The following ASAP1 variants were observed in gnomAD, a reference collection of about 807,000 sequenced individuals.
ASAP1 encodes the protein ArfGAP with SH3 domain, ankyrin repeat and PH domain 1, also known as arf-GAP with SH3 domain, ANK repeat and PH domain-containing protein 1.
A neutral mutation model predicts 145.2 loss-of-function variants in ASAP1; 43 were observed. The ratio of observed to expected loss-of-function variants is 0.30; its 90% CI spans 0.23 to 0.38. The LOEUF is 0.38. Among genes scored for constraint, ASAP1 ranks in the 10% least tolerant of loss-of-function variants. The pLI is 1.00. For synonymous variants in ASAP1, 546 were observed against 515.5 expected (o/e 1.06, Z -0.80); for missense variants, 1,018 against 1,355.3 (o/e 0.75, Z 3.91).
chr8:130,296,508 C>CTTTT (rs554026885), intron 3 of ASAP1, among the ~76,000 whole-genome samples: 9 of 138,762 alleles, frequency 6.5e-5, no homozygotes, highest in African/African-American at 2.1e-4. Context: ...TGCTACTTCC[C>CTTTT]TTTTTTTTTT....
intron 24 of ASAP1, among the ~76,000 whole-genome samples, chr8:130,105,233 C>T (rs1026409517): frequency 2.6e-5 from 4 of 152,090 alleles, no homozygotes; most frequent in African/African-American, 9.7e-5. Flanking sequence ...TAACAACAAA[C>T]AAACAATATA....
intron 4 of ASAP1, among the ~76,000 whole-genome samples, chr8:130,226,848 C>T (rs1271848470): frequency 6.6e-6 from 1 of 152,212 alleles, no homozygotes; most frequent in Non-Finnish European, 1.5e-5. Flanking sequence ...ATACACAATA[C>T]ACTTTGGTTT....
intron 18 of ASAP1, among the ~76,000 whole-genome samples, chr8:130,120,384 TG>T (rs1414212755): frequency 6.6e-6 from 1 of 152,250 alleles, no homozygotes; most frequent in Non-Finnish European, 1.5e-5. Flanking sequence ...TATGTGACCC[TG>T]GGTAAATCAA....
intron 5 of ASAP1, among the ~76,000 whole-genome samples, chr8:130,205,487 T>C (rs368922112): frequency 5.9e-5 from 9 of 151,720 alleles, no homozygotes; most frequent in South Asian, 2.1e-4. Flanking sequence ...TATACCTGTA[T>C]TGACAAACAG....
chr8:130,361,905 C>T (rs1413964751), intron 2 of ASAP1: 1 of 694,232 alleles, frequency 1.4e-6, no homozygotes, highest in Admixed American at 2.1e-5. Flanking sequence ...GTGCACCTGG[C>T]TTTATATAAA....
chr8:130,092,246 C>A, intron 24 of ASAP1, 103 bp from the exon 25 acceptor site: 1 of 1,274,024 alleles, frequency 7.8e-7, no homozygotes, highest in Non-Finnish European at 1.1e-6. Context: ...TGGTATGACA[C>A]ACAGAGACAA....
chr8:130,409,326 G>T (rs1048756296), intron 1 of ASAP1, among the ~76,000 whole-genome samples: 1 of 152,032 alleles, frequency 6.6e-6, no homozygotes, highest in Non-Finnish European at 1.5e-5. Flanking sequence ...GAGACCATTT[G>T]AATTGGTCGT....
chr8:130,227,921 G>A (rs1466876670), intron 4 of ASAP1, among the ~76,000 whole-genome samples: 1 of 152,098 alleles, frequency 6.6e-6, no homozygotes, highest in Non-Finnish European at 1.5e-5. Flanking sequence ...CCCTTTCTGG[G>A]TGCACAGTTG....
At chr8:130,176,969 CG>C (rs1361362670) in intron 9 of ASAP1, among the ~76,000 whole-genome samples, 1 of 152,134 alleles carries the variant, frequency 6.6e-6, no homozygotes, top group Non-Finnish European at 1.5e-5. Flanking sequence ...GGATTACAGG[CG>C]TGAGCCACCG....
rs75152332 is a variant in ASAP1, at chr8:130,385,143, A to G, written c.59+16742T>C. Among the ~76,000 whole-genome samples, 1,075 of 152,256 alleles carry G rather than the reference A, an allele frequency of 7.1e-3. 3 individuals carry two copies. The highest frequency in any genetic ancestry group is 0.028 in the South Asian group (137 of 4,828). On this transcript the variant is annotated intron_variant, in intron 2 of 29. Transcript: ENST00000518721. ...TCCCAGAGGCAGAAGGCACGTTGCT[A>G]GCTGGTGGTCGCTTGAGGTTCATTT... is the stretch of plus-strand genomic sequence containing the variant.
At position 130,124,069 on chromosome 8, in the gene ASAP1, A is replaced by G; in HGVS notation, c.1551T>C (p.Asp517=). 1 of 1,608,338 alleles carries G rather than the reference A, an allele frequency of 6.2e-7. No homozygotes were observed. Residue 517 remains aspartate, a synonymous_variant, in exon 18 of 30, where the codon GAT becomes GAC. Coordinates refer to ENST00000518721, the MANE Select transcript of ASAP1 (RefSeq NM_018482.4). ...GGCTGGGTAAATTTGCTTCCATAAT[A>G]TCATTAAAACTATTGTTTCCTACAT... ...AKNVGNNSFN[D]IMEANLPSPS...
chr8:130,130,273 T>C (rs1483715739), intron 15 of ASAP1, among the ~76,000 whole-genome samples: 1 of 152,236 alleles, frequency 6.6e-6, no homozygotes, highest in Non-Finnish European at 1.5e-5. Context: ...TGAAGTTATA[T>C]GACTTGCCTA....
intron 2 of ASAP1, among the ~76,000 whole-genome samples, chr8:130,367,976 G>T (rs1411564802): frequency 1.3e-5 from 2 of 152,038 alleles, no homozygotes; most frequent in Admixed American, 6.6e-5. Flanking sequence ...CCACTGCAGA[G>T]TTTTCTTCTT....
intron 3 of ASAP1, among the ~76,000 whole-genome samples, chr8:130,339,529 C>T (rs1218365018): frequency 1.3e-5 from 2 of 152,094 alleles, no homozygotes; most frequent in African/African-American, 4.8e-5. Context: ...TGGGGTAAGT[C>T]TCCTCCACTT....
At chr8:130,308,398 A>G (rs1387190498) in intron 3 of ASAP1, among the ~76,000 whole-genome samples, 2 of 152,232 alleles carry the variant, frequency 1.3e-5, no homozygotes, top group Non-Finnish European at 2.9e-5. Flanking sequence ...CAAGTTGTAC[A>G]TTTTTTATTC....
At chr8:130,267,131 A>C (rs1002803475) in intron 3 of ASAP1, among the ~76,000 whole-genome samples, 1 of 150,828 alleles carries the variant, frequency 6.6e-6, no homozygotes, top group Non-Finnish European at 1.5e-5. Flanking sequence ...AACAAAAAAA[A>C]AACAAAACAA....
At chr8:130,070,984 GGAGA>G (rs1238943264) in intron 27 of ASAP1, among the ~76,000 whole-genome samples, 1 of 29,384 alleles carries the variant, frequency 3.4e-5, no homozygotes. Context: ...GGGGAGGGGG[GGAGA>G]GAGAGAGAGA....
chr8:130,380,529 C>A (rs1019497339), intron 2 of ASAP1, among the ~76,000 whole-genome samples: 3 of 152,150 alleles, frequency 2.0e-5, no homozygotes, highest in African/African-American at 4.8e-5. Context: ...GAGGACTCCA[C>A]CAACCGGCTG....
chr8:130,076,105 T>C (rs1468803618), intron 27 of ASAP1, among the ~76,000 whole-genome samples: 2 of 152,192 alleles, frequency 1.3e-5, no homozygotes, highest in Non-Finnish European at 2.9e-5. Context: ...GGGATTATAA[T>C]AATGTAATGT....
Sources: gnomAD v4.1 joint callset for allele counts (sites outside exome capture counted in the v4.1 genomes callset) on GRCh38, gnomAD v4.1.1 for gene constraint, MANE v1.5 for transcripts, NCBI Gene and HGNC (gene_info 2026-07-23, HGNC 2026-07-21) for gene names.